KIF6: variants seen among roughly 807,000 people sequenced by gnomAD.
KIF6 encodes the protein kinesin-like protein KIF6.
KIF6 carries 106 observed loss-of-function variants against 112.7 expected under a neutral mutation model. The ratio of observed to expected loss-of-function variants is 0.94; its 90% CI spans 0.80 to 1.11. The LOEUF (loss-of-function observed/expected upper bound fraction) is 1.11, where lower values mean the gene tolerates loss of function less well. Among genes scored for constraint, KIF6 ranks in the 50% least tolerant of loss-of-function variants. KIF6 has a pLI of 0.00. For synonymous variants in KIF6, 339 were observed against 339.9 expected (o/e 1.00, Z 0.03); for missense variants, 929 against 964.0 (o/e 0.96, Z 0.48).
In KIF6 at chr6:39,658,974, T is replaced by C. The variant is rs75653688; in HGVS notation, c.252-19217A>G. ...CTTTCAGGTAGGCCCACCCAAACTA[T>C]CCTGGACAGAGGAGAAATTGAACTA... On this transcript the variant is annotated intron_variant, in intron 3 of 22. Transcript: ENST00000287152. Among the ~76,000 whole-genome samples, 1,319 of 152,300 alleles carry C rather than the reference T, an allele frequency of 8.7e-3. 19 individuals are homozygous for C. The highest frequency in any genetic ancestry group is 0.03 in the African/African-American group (1,256 of 41,556).
intron 10 of KIF6, among the ~76,000 whole-genome samples, chr6:39,558,377 C>CA (rs1170759785): frequency 6.6e-6 from 1 of 152,122 alleles, no homozygotes; most frequent in Non-Finnish European, 1.5e-5. Flanking sequence ...TCCATAAGTG[C>CA]ACATTTTCAC....
In KIF6 at chr6:39,613,656, G is replaced by A. The variant is rs558527129; in HGVS notation, c.510-338C>T. Among the ~76,000 whole-genome samples, 7 of 152,200 alleles carry A rather than the reference G, an allele frequency of 4.6e-5. No individual in the cohort carries two copies. The South Asian group carries it at 1.5e-3, about 32-fold the overall frequency. Reference sequence around the variant, plus strand: ...TTCTATCTGCATATCAGGAAACTAGGCCATATTTTTTCTGTGTCATGATTC... The same window carrying A: ...TTCTATCTGCATATCAGGAAACTAGACCATATTTTTTCTGTGTCATGATTC... On this transcript the variant is annotated intron_variant, in intron 5 of 22. Transcript: ENST00000287152.
At chr6:39,533,392 C>A (rs1021107093) in intron 13 of KIF6, among the ~76,000 whole-genome samples, 1 of 152,200 alleles carries the variant, frequency 6.6e-6, no homozygotes, top group African/African-American at 2.4e-5. Context: ...CCTGCACCCA[C>A]AGAGTCTCGC....
rs58810898 is a variant in KIF6 at position 39,349,631 on chromosome 6, C to CTTTTTTTTTTTTTTTTTTTT, written c.2181-3125_2181-3106dup. Among the ~76,000 whole-genome samples, 31 of 64,562 alleles carry CTTTTTTTTTTTTTTTTTTTT rather than the reference C, an allele frequency of 4.8e-4. 2 individuals carry two copies. The highest frequency in any genetic ancestry group is 6.5e-4 in the African/African-American group (10 of 15,498). 42.4% of individuals were successfully genotyped at this position (64,562 alleles called of 152,430 possible). On this transcript the variant is annotated intron_variant, in intron 19 of 22. Transcript: ENST00000287152. ...GAAGGTCTAGGTTTAATTTGTGGCT[C>CTTTTTTTTTTTTTTTTTTTT]TTTTTTTTTTTTTTTTTTTTTTTTT...
chr6:39,659,703 G>A (rs942836009), intron 3 of KIF6, among the ~76,000 whole-genome samples: 2 of 152,162 alleles, frequency 1.3e-5, no homozygotes, highest in Admixed American at 1.3e-4. Context: ...AGAAGGACAT[G>A]TTTGCTTCGC....
Position 39,725,291 on chromosome 6 carries a change from TG to T in KIF6, c.19del (p.Gln7ArgfsTer6), listed in dbSNP as rs753461793. On this transcript the variant is annotated frameshift_variant, in exon 1 of 23. Coordinates refer to ENST00000287152, the MANE Select transcript of KIF6 (RefSeq NM_145027.6). LOFTEE classifies it high-confidence loss of function. ...AGGGGGCTTCACCCTCGCGAATATCTGGATAGTCTGCTTCACCATCTCCTCC... is the reference window on the plus strand; with the variant it reads ...AGGGGGCTTCACCCTCGCGAATATCTGATAGTCTGCTTCACCATCTCCTCC... MVKQTI[Q>X]IFARVKPPVR... 3.1e-6 allele frequency: 5 copies of T among 1,610,928 alleles called. No individual in the cohort carries two copies. Among genetic ancestry groups the T allele is most frequent in the Non-Finnish European group, 4.2e-6 (5 of 1,178,822 alleles).
intron 15 of KIF6, among the ~76,000 whole-genome samples, chr6:39,399,401 G>A (rs1296480813): frequency 6.6e-6 from 1 of 152,186 alleles, no homozygotes; most frequent in Non-Finnish European, 1.5e-5. Context: ...CTTTTGTACT[G>A]AGTGAGCTGA....
chr6:39,513,082 C>T (rs1254799299), intron 13 of KIF6, among the ~76,000 whole-genome samples: 1 of 152,168 alleles, frequency 6.6e-6, no homozygotes, highest in Non-Finnish European at 1.5e-5. Context: ...GATTCTAACC[C>T]AGGTCTTCAT....
chr6:39,671,446 T>C (rs1279509473), intron 3 of KIF6, among the ~76,000 whole-genome samples: 1 of 152,174 alleles, frequency 6.6e-6, no homozygotes, highest in African/African-American at 2.4e-5. Flanking sequence ...AGGGTATTGG[T>C]GTGAGGGTCT....
chr6:39,640,638 T>G (rs969476202), intron 3 of KIF6, among the ~76,000 whole-genome samples: 6 of 152,102 alleles, frequency 3.9e-5, no homozygotes, highest in African/African-American at 1.2e-4. Context: ...CATATTAGAA[T>G]TCCTCCCTAT....
At chr6:39,700,370 C>G (rs1788812068) in intron 3 of KIF6, among the ~76,000 whole-genome samples, 1 of 152,166 alleles carries the variant, frequency 6.6e-6, no homozygotes, top group Admixed American at 6.5e-5. Flanking sequence ...CTGTAAATTA[C>G]TTCGAAATGT....
intron 9 of KIF6, among the ~76,000 whole-genome samples, chr6:39,584,564 C>T (rs556093165): frequency 6.7e-6 from 1 of 150,362 alleles, no homozygotes; most frequent in South Asian, 2.1e-4. Flanking sequence ...CCTTAGGATT[C>T]CCTGCATGTC....
chr6:39,373,388 G>A (rs1488916498), intron 16 of KIF6, among the ~76,000 whole-genome samples: 1 of 152,156 alleles, frequency 6.6e-6, no homozygotes, highest in Non-Finnish European at 1.5e-5. Flanking sequence ...TGCTGCTGGT[G>A]GCCCAGAGCC....
At chr6:39,721,883 G>T (rs1055464932) in intron 1 of KIF6, among the ~76,000 whole-genome samples, 1 of 144,762 alleles carries the variant, frequency 6.9e-6, no homozygotes, top group Non-Finnish European at 1.5e-5. Flanking sequence ...AATACTTCCT[G>T]TTTAAGACCC....
At chr6:39,350,561 C>T (rs527481606) in intron 19 of KIF6, among the ~76,000 whole-genome samples, 7 of 152,228 alleles carry the variant, frequency 4.6e-5, no homozygotes, top group Admixed American at 2.6e-4. Context: ...ATATTATTGC[C>T]GTCAGAGGAG....
At chr6:39,544,955 C>A (rs561342077) in intron 11 of KIF6, among the ~76,000 whole-genome samples, 2 of 152,130 alleles carry the variant, frequency 1.3e-5, no homozygotes, top group Non-Finnish European at 1.5e-5. Context: ...GCCTACTCAA[C>A]ATTATCTCTT....
chr6:39,684,790 G>GA lies in KIF6; in HGVS notation c.251+29901dup, dbSNP rs758624260. Among the ~76,000 whole-genome samples the GA allele has an allele frequency of 1.0e-3, 139 of 132,818 alleles. No individual in the cohort carries two copies. In the Middle Eastern group the frequency reaches 0.011, roughly 11 times the overall value. 87.1% of individuals were successfully genotyped at this position (132,818 alleles called of 152,430 possible). The stretch of plus-strand genomic sequence containing the variant: ...GGGTGTAAGAGTGAAACTCTGTCTC[G>GA]AAAAAAAAAAAAAGAAAGAAAATTA... On this transcript the variant is annotated intron_variant, in intron 3 of 22. Coordinates refer to ENST00000287152, the MANE Select transcript of KIF6 (RefSeq NM_145027.6).
At chr6:39,641,520 C>G (rs971619531) in intron 3 of KIF6, among the ~76,000 whole-genome samples, 1 of 151,986 alleles carries the variant, frequency 6.6e-6, no homozygotes, top group South Asian at 2.1e-4. Context: ...GGAGGGATAG[C>G]ATTAGGAGAT....
chr6:39,723,212 C>A (rs1561963731), intron 1 of KIF6, among the ~76,000 whole-genome samples: 1 of 152,094 alleles, frequency 6.6e-6, no homozygotes, highest in Admixed American at 6.5e-5. Context: ...CCACTTTATT[C>A]CTGTTTTAAA....
Sources: gnomAD v4.1 joint callset for allele counts (sites outside exome capture counted in the v4.1 genomes callset) on GRCh38, gnomAD v4.1.1 for gene constraint, MANE v1.5 for transcripts, NCBI Gene and HGNC (gene_info 2026-07-23, HGNC 2026-07-21) for gene names.